Variants in ILDR2 observed in about 807,000 individuals in gnomAD.
ILDR2 encodes the protein immunoglobulin like domain containing receptor 2.
Under a neutral mutation model 66.8 loss-of-function variants are expected in ILDR2, and 25 were observed. The observed-to-expected ratio is 0.37, with a 90% confidence interval of 0.27 to 0.52. ILDR2 has a LOEUF of 0.52. ILDR2 is among the 20% of genes least tolerant of loss of function. The pLI is 0.88. For synonymous variants in ILDR2, 367 were observed against 357.2 expected, an observed-to-expected ratio of 1.03 and a Z score of -0.31; for missense variants, 827 against 876.8, an observed-to-expected ratio of 0.94 and a Z score of 0.72.
intron 1 of ILDR2, among the ~76,000 whole-genome samples, chr1:166,966,311 C>T (rs1662943278): frequency 6.6e-6 from 1 of 152,108 alleles, no homozygotes; most frequent in African/African-American, 2.4e-5. Flanking sequence ...CTTGTTGTTA[C>T]CATGATATAC....
rs755015824 is a variant in ILDR2, at chr1:166,920,830, G to C, written c.1761C>G (p.Ser587=). Residue 587 remains serine (S), a synonymous_variant, in exon 9 of 10, where the codon TCC becomes TCG. Coordinates refer to ENST00000271417, the MANE Select transcript of ILDR2 (RefSeq NM_199351.3). ...GSSQDDQEDA[S]DDALPPYSEL... is the part of the protein sequence containing the mutation. ...CGCTGTAGGGCGGCAGCGCGTCGTCGGACGCGTCCTCCTGGTCGTCCTGCG... is the reference window on the plus strand; with the variant it reads ...CGCTGTAGGGCGGCAGCGCGTCGTCCGACGCGTCCTCCTGGTCGTCCTGCG... 2 of 1,519,128 alleles carry C rather than the reference G, an allele frequency of 1.3e-6. No individual in the cohort carries two copies. Among genetic ancestry groups the C allele is most frequent in the Non-Finnish European group, 1.8e-6 (2 of 1,136,888 alleles). 94.1% of individuals were successfully genotyped at this position (1,519,128 alleles called of 1,614,324 possible).
At position 166,913,993 on chromosome 1, in the gene ILDR2, T is replaced by C. The variant is rs1380310749; in HGVS notation, c.*5362A>G. On this transcript the variant is annotated 3_prime_UTR_variant, in exon 10 of 10. Coordinates refer to ENST00000271417, the MANE Select transcript of ILDR2 (RefSeq NM_199351.3). ...TGCTGGACGTGGTGGCATATATCTG[T>C]AGTCCTACCTACTTGGGAGGCTGAG... 1 of 152,152 alleles carries C rather than the reference T, an allele frequency of 6.6e-6. No homozygotes were observed. The highest frequency in any genetic ancestry group is 1.5e-5 in the Non-Finnish European group (1 of 68,142). 9.4% of individuals were successfully genotyped at this position (152,152 alleles called of 1,614,324 possible).
intron 6 of ILDR2, among the ~76,000 whole-genome samples, chr1:166,931,159 A>T (rs1161891790): frequency 1.3e-5 from 2 of 152,216 alleles, no homozygotes; most frequent in Non-Finnish European, 2.9e-5. Flanking sequence ...AATTTTAAAA[A>T]TTCTTATTGT....
intron 3 of ILDR2, among the ~76,000 whole-genome samples, chr1:166,943,384 C>G (rs569444050): frequency 6.7e-6 from 1 of 149,286 alleles, no homozygotes; most frequent in Non-Finnish European, 1.5e-5. Context: ...CCCAGCTACT[C>G]GGGAGGCTGA....
At position 166,913,745 on chromosome 1, in the gene ILDR2, C is replaced by T. The variant is rs1367237750; in HGVS notation, c.*5610G>A. 2 of 152,206 alleles carry T rather than the reference C, an allele frequency of 1.3e-5. No individual in the cohort carries two copies. Among genetic ancestry groups the T allele is most frequent in the Non-Finnish European group, 2.9e-5 (2 of 68,036 alleles). 9.4% of individuals were successfully genotyped at this position (152,206 alleles called of 1,614,324 possible). A position where few individuals can be genotyped will look rare whatever the true frequency, so the allele number is the denominator to read the frequency against. On this transcript the variant is annotated 3_prime_UTR_variant, in exon 10 of 10. Coordinates refer to ENST00000271417, the MANE Select transcript of ILDR2 (RefSeq NM_199351.3). ...CTGAATCCAGATGAATCTGTCGTTT[C>T]ATTCAGAAACTTCTCTGCAAGAAGG...
chr1:166,920,784 G>A lies in ILDR2; in HGVS notation c.1807C>T (p.Pro603Ser), dbSNP rs774862949. 15 of 1,525,416 alleles carry A rather than the reference G, an allele frequency of 9.8e-6. No individual in the cohort carries two copies. The Admixed American group carries it at 2.8e-4, about 29-fold the overall frequency. 94.5% of individuals were successfully genotyped at this position (1,525,416 alleles called of 1,614,324 possible). A position where few individuals can be genotyped will look rare whatever the true frequency, so the allele number is the denominator to read the frequency against. Residue 603 changes from proline (P) to serine (S), a missense_variant, in exon 9 of 10, where the codon CCG becomes TCG. By Grantham distance (74) the Pro-to-Ser change is moderately conservative. Around this residue, in one of 2 missense-constraint regions of ILDR2, gnomAD observed 390 missense variants for 353.6 expected, o/e 1.10. Transcript: ENST00000271417. ...PYSELELTRGPSYRGRDLPYH... is the reference protein window; with the variant it reads ...PYSELELTRGSSYRGRDLPYH... ...GGCAGGTCGCGGCCGCGGTAGGACG[G>A]GCCGCGGGTCAGCTCCAGCTCGCTG...
At chr1:166,905,248 A>T (rs951389226), downstream of ILDR2, among the ~76,000 whole-genome samples, 1 of 152,046 alleles carries the variant, frequency 6.6e-6, no homozygotes, top group East Asian at 1.9e-4. Context: ...CTTCTCTCCC[A>T]CGGTCAGCTG....
intron 1 of ILDR2, among the ~76,000 whole-genome samples, chr1:166,964,411 C>A (rs1662809923): frequency 6.6e-6 from 1 of 152,198 alleles, no homozygotes; most frequent in Non-Finnish European, 1.5e-5. Context: ...ATATAAAGTT[C>A]ATTTCTAACT....
intron 3 of ILDR2, among the ~76,000 whole-genome samples, chr1:166,955,365 T>G (rs761033335): frequency 2.6e-5 from 4 of 152,156 alleles, no homozygotes; most frequent in Non-Finnish European, 5.9e-5. Context: ...CCAGCACTTT[T>G]GGGAGGCCAG....
At position 166,921,040 on chromosome 1, in the gene ILDR2, C is replaced by T; in HGVS notation, c.1551G>A (p.Thr517=). 4 of 1,508,310 alleles carry T rather than the reference C, an allele frequency of 2.7e-6. No individual in the cohort carries two copies. Among genetic ancestry groups the T allele is most frequent in the East Asian group, 2.7e-5 (1 of 37,366 alleles). The allele number at this position is 1,508,310 out of a possible 1,614,324, so 93.4% of individuals were successfully genotyped here. Residue 517 remains threonine, a synonymous_variant, in exon 9 of 10, where the codon ACG becomes ACA. Transcript: ENST00000271417. This position sits in a 1 kb window ranked among gnomAD's most constrained non-coding sequence, Gnocchi z 5.3. The part of the protein sequence containing the change: ...DAHLPRLVSR[T]PGTAPKYDHS... ...GGTCGTATTTGGGTGCGGTGCCTGG[C>T]GTGCGGCTCACCAGCCGCGGCAGGT... is the stretch of plus-strand genomic sequence containing the variant.
At chr1:166,952,353 A>G (rs1283252457) in intron 3 of ILDR2, among the ~76,000 whole-genome samples, 1 of 152,186 alleles carries the variant, frequency 6.6e-6, no homozygotes, top group East Asian at 1.9e-4. Flanking sequence ...AAATATTTCT[A>G]AGATACCTGT....
intron 6 of ILDR2, chr1:166,933,626 A>T (rs745538926): frequency 9.9e-6 from 7 of 708,442 alleles, no homozygotes; most frequent in Non-Finnish European, 1.0e-5. Context: ...AGTATTTGCT[A>T]TTCTATGAAT....
At chr1:166,899,728 T>C (rs1659230579) in intron 2 of ILDR2, among the ~76,000 whole-genome samples, 1 of 152,216 alleles carries the variant, frequency 6.6e-6, no homozygotes, top group Non-Finnish European at 1.5e-5. Context: ...TTTCAAAATA[T>C]GTATATATTA....
chr1:166,941,374 T>A (rs1247379200), intron 3 of ILDR2, among the ~76,000 whole-genome samples: 1 of 152,156 alleles, frequency 6.6e-6, no homozygotes, highest in Non-Finnish European at 1.5e-5. Context: ...CATAAAAGAC[T>A]AAGAGATGCC....
At chr1:166,941,618 G>GT (rs921891197) in intron 3 of ILDR2, among the ~76,000 whole-genome samples, 4 of 152,090 alleles carry the variant, frequency 2.6e-5, no homozygotes, top group African/African-American at 4.8e-5. Flanking sequence ...AATACATACT[G>GT]TTTTTTTAGC....
intron 1 of ILDR2, among the ~76,000 whole-genome samples, 183 bp downstream of exon 1, chr1:166,975,034 TCTCACA>T (rs974404726): frequency 5.9e-5 from 7 of 118,032 alleles, no homozygotes; most frequent in African/African-American, 9.5e-5. Context: ...TCTCTCTCTC[TCTCACA>T]CACACACACA....
chr1:166,927,177 C>T lies in ILDR2; in HGVS notation c.884G>A (p.Arg295His), dbSNP rs145576240. ...SDSTGGSHSV[R>H]KGYRIQADKE... is the part of the protein sequence containing the mutation. ...GTCAGCCTGGATCCGGTAACCTTTG[C>T]GAACTGTTGAGAAAAGCACAAGAAG... Residue 295 changes from arginine to histidine, a missense_variant, in exon 7 of 10, where the codon CGC becomes CAC. Coordinates refer to ENST00000271417, the MANE Select transcript of ILDR2 (RefSeq NM_199351.3). The T allele has an allele frequency of 4.8e-5, 78 of 1,608,880 alleles. No individual in the cohort carries two copies. Among genetic ancestry groups the T allele is most frequent in the Non-Finnish European group, 6.1e-5 (72 of 1,176,592 alleles).
intron 6 of ILDR2, among the ~76,000 whole-genome samples, chr1:166,934,414 C>G (rs773623592): frequency 6.6e-6 from 1 of 152,214 alleles, no homozygotes; most frequent in Admixed American, 6.5e-5. Flanking sequence ...TTTACCCACA[C>G]ATTTCACTCC....
At chr1:166,902,249 C>T (rs73026704) in intron 2 of ILDR2, among the ~76,000 whole-genome samples, 1 of 152,350 alleles carries the variant, frequency 6.6e-6, no homozygotes, top group African/African-American at 2.4e-5. Context: ...ATGTCTCTCT[C>T]CCCACTTTAC....
Sources: gnomAD v4.1 joint callset for allele counts (sites outside exome capture counted in the v4.1 genomes callset) on GRCh38, gnomAD v4.1.1 for gene constraint, gnomAD v4.1.1 regional missense constraint, Gnocchi (gnomAD v3.1) non-coding constraint, MANE v1.5 for transcripts, NCBI Gene and HGNC (gene_info 2026-07-23, HGNC 2026-07-21) for gene names.